Variants in PPARG observed in about 807,000 individuals in gnomAD.
PPARG encodes the protein peroxisome proliferator-activated receptor gamma.
In PPARG, 17 loss-of-function variants were observed where a neutral mutation model predicts 39.2. The observed-to-expected ratio is 0.43, with a 90% CI of 0.30 to 0.65. The LOEUF (loss-of-function observed/expected upper bound fraction) is 0.65, where lower values mean the gene tolerates loss of function less well. Among genes scored for constraint, PPARG ranks in the 30% least tolerant of loss-of-function variants. The probability of loss-of-function intolerance (pLI) is 0.13; values close to 1 mark genes in which losing one functional copy is unlikely to be tolerated. For synonymous variants in PPARG, 223 were observed against 215.7 expected (o/e 1.03, Z -0.30); for missense variants, 406 against 585.9 (o/e 0.69, Z 3.17).
chr3:12,375,703 G>A (rs368688130), intron 2 of PPARG, among the ~76,000 whole-genome samples: 21 of 152,240 alleles, frequency 1.4e-4, no homozygotes, highest in Admixed American at 5.2e-4. Flanking sequence ...CAGTTGGATG[G>A]GTGCCCTGTC....
At chr3:12,325,426 T>A (rs2047665577) in intron 2 of PPARG, among the ~76,000 whole-genome samples, 1 of 150,908 alleles carries the variant, frequency 6.6e-6, no homozygotes, top group South Asian at 2.1e-4. Context: ...TGTCTCTAAA[T>A]AAATAAATAA....
At chr3:12,307,969 A>G (rs2124978240) in intron 1 of PPARG, among the ~76,000 whole-genome samples, 1 of 152,240 alleles carries the variant, frequency 6.6e-6, no homozygotes, top group East Asian at 1.9e-4. Context: ...GCAAGAATAT[A>G]AAGAAGAGAT....
intron 2 of PPARG, among the ~76,000 whole-genome samples, chr3:12,316,275 C>G (rs2047384669): frequency 6.6e-6 from 1 of 152,068 alleles, no homozygotes; most frequent in Non-Finnish European, 1.5e-5. Flanking sequence ...GGAATTCAAC[C>G]CTGAATTTTT....
intron 2 of PPARG, among the ~76,000 whole-genome samples, chr3:12,345,139 T>A (rs1266665623): frequency 3.9e-5 from 6 of 152,200 alleles, no homozygotes; most frequent in Admixed American, 2.6e-4. Flanking sequence ...AGTAATGTTA[T>A]CATTTTCTTA....
chr3:12,353,666 G>T (rs2048564199), intron 2 of PPARG, among the ~76,000 whole-genome samples: 6 of 152,156 alleles, frequency 3.9e-5, no homozygotes, highest in Admixed American at 3.9e-4. Flanking sequence ...ATATTCATGA[G>T]ATTAAAAATC....
At chr3:12,325,813 G>C (rs2047679073) in intron 2 of PPARG, among the ~76,000 whole-genome samples, 1 of 151,884 alleles carries the variant, frequency 6.6e-6, no homozygotes, top group African/African-American at 2.4e-5. Context: ...TTATGAAAAG[G>C]GAACTAAACT....
chr3:12,301,700 C>T (rs1422305970), intron 1 of PPARG: 2 of 152,162 alleles, frequency 1.3e-5, no homozygotes, highest in East Asian at 3.9e-4. Flanking sequence ...CAAGGAACTT[C>T]CATGCTCTCC....
rs560896906 is a variant in PPARG at position 12,422,834 on chromosome 3, A to T, written c.1180+5680A>T. On this transcript the variant is annotated intron_variant, in intron 7 of 7. Transcript: ENST00000651735. ...GAATTTGAGGCTCCAGTGAGCTGTG[A>T]TTGTGCCACTGCACTCCAGCCTGGG... Among the ~76,000 whole-genome samples, 38 of 151,766 alleles carry T rather than the reference A, an allele frequency of 2.5e-4. No homozygotes were observed. The South Asian group carries it at 7.9e-3, about 32-fold the overall frequency.
chr3:12,420,803 A>G (rs1313320898), intron 7 of PPARG, among the ~76,000 whole-genome samples: 2 of 152,246 alleles, frequency 1.3e-5, no homozygotes, highest in Non-Finnish European at 1.5e-5. Context: ...TTTGATTGGT[A>G]CTTAGATTTG....
chr3:12,338,556 T>A (rs539658570), intron 2 of PPARG, among the ~76,000 whole-genome samples: 1 of 152,192 alleles, frequency 6.6e-6, no homozygotes, highest in Non-Finnish European at 1.5e-5. Flanking sequence ...TCTTATATAT[T>A]TACACAACCA....
At chr3:12,348,004 A>G (rs1353046263) in intron 2 of PPARG, among the ~76,000 whole-genome samples, 1 of 152,362 alleles carries the variant, frequency 6.6e-6, no homozygotes, top group East Asian at 1.9e-4. Flanking sequence ...TTTTATACCA[A>G]TACTAACATA....
rs568849092 is a variant in PPARG at position 12,365,371 on chromosome 3, T to G, written c.-8-14333T>G. Among the ~76,000 whole-genome samples, 13 of 152,224 alleles carry G rather than the reference T, an allele frequency of 8.5e-5. No individual in the cohort carries two copies. In the East Asian group the frequency reaches 2.3e-3, roughly 27 times the overall value. ...TGACACTGTTTTGCACAGAGCAGAC[T>G]TTTTTTATTTTAATGAAGTCCAGAT... On this transcript the variant is annotated intron_variant, in intron 2 of 7. Coordinates refer to ENST00000651735, the MANE Select transcript of PPARG (RefSeq NM_138711.6).
chr3:12,326,699 A>G (rs2047703088), intron 2 of PPARG, among the ~76,000 whole-genome samples: 1 of 151,750 alleles, frequency 6.6e-6, no homozygotes, highest in Non-Finnish European at 1.5e-5. Context: ...TTCCCTAGGT[A>G]GAGATTTAGA....
At chr3:12,312,705 T>G (rs1176066043) in intron 2 of PPARG, among the ~76,000 whole-genome samples, 1 of 151,946 alleles carries the variant, frequency 6.6e-6, no homozygotes, top group Non-Finnish European at 1.5e-5. Flanking sequence ...AAAATGAATC[T>G]CTAATTAAAG....
At chr3:12,361,754 G>GGTA (rs908938111) in intron 2 of PPARG, among the ~76,000 whole-genome samples, 6 of 152,284 alleles carry the variant, frequency 3.9e-5, no homozygotes, top group African/African-American at 1.4e-4. Context: ...TTTGATATCT[G>GGTA]GTAGTATAAA....
chr3:12,308,630 T>C (rs938875725), intron 1 of PPARG, among the ~76,000 whole-genome samples: 3 of 152,198 alleles, frequency 2.0e-5, no homozygotes, highest in African/African-American at 7.2e-5. Flanking sequence ...GCTGAGATGA[T>C]TCATGCCCAT....
At chr3:12,401,292 A>G (rs1166775787) in intron 5 of PPARG, among the ~76,000 whole-genome samples, 1 of 152,168 alleles carries the variant, frequency 6.6e-6, no homozygotes, top group African/African-American at 2.4e-5. Context: ...AGATGGAAAG[A>G]TAGAAATAGA....
At chr3:12,295,060 C>G (rs2046744615) in intron 1 of PPARG, among the ~76,000 whole-genome samples, 1 of 152,178 alleles carries the variant, frequency 6.6e-6, no homozygotes, top group African/African-American at 2.4e-5. Context: ...TAGGTATGGG[C>G]TACCCTCGTG....
At chr3:12,396,648 C>T (rs1165899771) in intron 5 of PPARG, among the ~76,000 whole-genome samples, 1 of 151,492 alleles carries the variant, frequency 6.6e-6, no homozygotes, top group African/African-American at 2.4e-5. Context: ...GTTTCAGCTA[C>T]TCGGGAGTCT....
Sources: allele counts gnomAD v4.1 joint callset (sites outside exome capture counted in the v4.1 genomes callset), GRCh38; gene constraint gnomAD v4.1.1; transcripts MANE v1.5; gene names NCBI Gene and HGNC (gene_info 2026-07-23, HGNC 2026-07-21).